The following PDE4D variants were observed in gnomAD, a reference collection of about 807,000 sequenced individuals.
The protein encoded by PDE4D is 3',5'-cyclic-AMP phosphodiesterase 4D.
A neutral mutation model predicts 87.4 loss-of-function variants in PDE4D; 24 were observed. That is an observed-to-expected ratio of 0.27 (90% CI 0.20 to 0.39). PDE4D has a LOEUF of 0.39. PDE4D is among the 10% of genes least tolerant of loss of function. The pLI, the probability that PDE4D is intolerant of heterozygous loss-of-function variation, is 1.00. For synonymous variants in PDE4D, 384 were observed against 383.2 expected, an observed-to-expected ratio of 1.00 and a Z score of -0.02; for missense variants, 714 against 1,041.0, an observed-to-expected ratio of 0.69 and a Z score of 4.32.
intron 1 of PDE4D, among the ~76,000 whole-genome samples, chr5:60,281,308 T>C (rs1442082157): frequency 6.6e-6 from 1 of 152,206 alleles, no homozygotes. Flanking sequence ...ATCAAACTTC[T>C]TGTCGTTCCT....
chr5:59,057,835 G>C (rs1439123341), intron 5 of PDE4D, among the ~76,000 whole-genome samples: 1 of 152,144 alleles, frequency 6.6e-6, no homozygotes, highest in Non-Finnish European at 1.5e-5. Flanking sequence ...CTGCTTAAAA[G>C]AGTCTCTAAA....
chr5:59,841,679 G>A (rs549922991), intron 1 of PDE4D, among the ~76,000 whole-genome samples: 6 of 152,024 alleles, frequency 3.9e-5, no homozygotes, highest in South Asian at 2.1e-4. Context: ...AGGAATACAC[G>A]GGACACCAGG....
At chr5:59,700,093 A>T (rs572711816) in intron 1 of PDE4D, among the ~76,000 whole-genome samples, 1 of 152,300 alleles carries the variant, frequency 6.6e-6, no homozygotes, top group East Asian at 1.9e-4. Flanking sequence ...AAATTGCATA[A>T]CCATTACTGA....
intron 2 of PDE4D, among the ~76,000 whole-genome samples, chr5:59,211,643 G>A (rs890476550): frequency 2.0e-5 from 3 of 151,858 alleles, no homozygotes; most frequent in African/African-American, 4.8e-5. Context: ...TTTCTAACCT[G>A]TAAAATGGCA....
At position 59,234,148 on chromosome 5, in the gene PDE4D, T is replaced by C. The variant is rs1006457399; in HGVS notation, c.456-18180A>G. Among the ~76,000 whole-genome samples the C allele has an allele frequency of 2.6e-5, 4 of 152,314 alleles. No individual in the cohort carries two copies. In the East Asian group the frequency reaches 7.7e-4, roughly 29 times the overall value. The stretch of plus-strand genomic sequence containing the variant: ...CAAATAAAAAATCAAGTTTTACTTC[T>C]CCAGCCATTAAAATTTCTCTCATTT... On this transcript the variant is annotated intron_variant, in intron 1 of 14. Coordinates refer to ENST00000340635, the MANE Select transcript of PDE4D (RefSeq NM_001104631.2).
chr5:60,380,294 T>C (rs1332290293), intron 1 of PDE4D, among the ~76,000 whole-genome samples: 1 of 152,206 alleles, frequency 6.6e-6, no homozygotes, highest in African/African-American at 2.4e-5. Flanking sequence ...CTAATGATCA[T>C]TTAACACAGA....
At chr5:59,819,885 C>T (rs991648745) in intron 1 of PDE4D, among the ~76,000 whole-genome samples, 1 of 152,150 alleles carries the variant, frequency 6.6e-6, no homozygotes, top group Non-Finnish European at 1.5e-5. Flanking sequence ...TAATTTGAGG[C>T]AATTTCCCTA....
chr5:59,833,264 A>G (rs1199111316), intron 1 of PDE4D, among the ~76,000 whole-genome samples: 1 of 152,046 alleles, frequency 6.6e-6, no homozygotes, highest in Non-Finnish European at 1.5e-5. Context: ...GACCTGATGC[A>G]GAAGATTCTG....
chr5:60,018,709 A>T (rs1765756854), intron 2 of PDE4D, among the ~76,000 whole-genome samples: 1 of 152,190 alleles, frequency 6.6e-6, no homozygotes. Context: ...GACAAAACAG[A>T]TTTTAAACCA....
rs114744264 is a variant in PDE4D at position 60,042,219 on chromosome 5, A to C, written c.43-53502T>G. Among the ~76,000 whole-genome samples the C allele has an allele frequency of 7.4e-3, 1,128 of 152,228 alleles. 12 individuals carry two copies. The highest frequency in any genetic ancestry group is 0.026 in the African/African-American group (1,082 of 41,532). ...GTTCAAACTGGGCTCAGCTCCACAAAGCCACTGTAGCCAGACTGCCTTCCT... is the reference window on the plus strand; with the variant it reads ...GTTCAAACTGGGCTCAGCTCCACAACGCCACTGTAGCCAGACTGCCTTCCT... On this transcript the variant is annotated intron_variant, in intron 2 of 16. Transcript: ENST00000502484.
At chr5:60,125,911 A>C (rs1290949434) in intron 2 of PDE4D, among the ~76,000 whole-genome samples, 1 of 152,208 alleles carries the variant, frequency 6.6e-6, no homozygotes, top group African/African-American at 2.4e-5. Context: ...CGTCTTCCTA[A>C]ATAAGAAGAT....
intron 1 of PDE4D, among the ~76,000 whole-genome samples, chr5:60,267,222 G>A (rs1175308599): frequency 2.6e-5 from 4 of 152,208 alleles, no homozygotes; most frequent in African/African-American, 9.6e-5. Flanking sequence ...TGAGAGAGGA[G>A]AGGAAATCTT....
chr5:59,813,487 C>T (rs1305593548), intron 1 of PDE4D, among the ~76,000 whole-genome samples: 1 of 148,698 alleles, frequency 6.7e-6, no homozygotes, highest in East Asian at 2.0e-4. Context: ...CACACATATG[C>T]CTGTCATTGG....
intron 1 of PDE4D, among the ~76,000 whole-genome samples, chr5:59,224,752 T>C (rs1753365614): frequency 6.6e-6 from 1 of 152,246 alleles, no homozygotes; most frequent in East Asian, 1.9e-4. Context: ...GTGCTGGTGT[T>C]CTTATAAGAA....
At chr5:59,861,519 C>T (rs1251681985) in intron 1 of PDE4D, among the ~76,000 whole-genome samples, 2 of 152,148 alleles carry the variant, frequency 1.3e-5, no homozygotes, top group African/African-American at 2.4e-5. Flanking sequence ...CATGGAGCAA[C>T]CATTCGAAAC....
intron 2 of PDE4D, among the ~76,000 whole-genome samples, chr5:59,995,206 C>T (rs1763407622): frequency 6.6e-6 from 1 of 152,138 alleles, no homozygotes; most frequent in East Asian, 1.9e-4. Context: ...ATCTGCTTCT[C>T]CAGTCATTTT....
In PDE4D at chr5:60,135,801, C is replaced by T. The variant is rs78781290; in HGVS notation, c.42+49756G>A. ...AGGTGGGACATTTCTCTTCAGGCTT[C>T]CTTAATGGCCTCCTGTCTTGGACAG... On this transcript the variant is annotated intron_variant, in intron 2 of 16. Transcript: ENST00000502484. Among the ~76,000 whole-genome samples, 877 of 152,258 alleles carry T rather than the reference C, an allele frequency of 5.8e-3. 6 individuals are homozygous for T. Among genetic ancestry groups the T allele is most frequent in the African/African-American group, 0.02 (848 of 41,542 alleles).
chr5:59,073,243 T>C (rs1430897595), intron 5 of PDE4D, among the ~76,000 whole-genome samples: 3 of 152,102 alleles, frequency 2.0e-5, no homozygotes, highest in Admixed American at 6.6e-5. Context: ...GGCTGATCTA[T>C]AGCAGAAGTA....
chr5:59,237,785 G>C (rs1756782812), intron 1 of PDE4D, among the ~76,000 whole-genome samples: 2 of 146,940 alleles, frequency 1.4e-5, no homozygotes, highest in African/African-American at 2.5e-5. Context: ...TCATATAGGT[G>C]TGTGTGTGTG....
Sources: allele counts gnomAD v4.1 joint callset (sites outside exome capture counted in the v4.1 genomes callset), GRCh38; gene constraint gnomAD v4.1.1; transcripts MANE v1.5; gene names NCBI Gene and HGNC (gene_info 2026-07-23, HGNC 2026-07-21).